Variants in NDRG4 observed in about 807,000 individuals in gnomAD.
The protein encoded by NDRG4 is NDRG family member 4.
In NDRG4, 38 loss-of-function variants were observed where a neutral mutation model predicts 55.8. That is an observed-to-expected ratio of 0.68 (90% CI 0.53 to 0.89). The LOEUF (loss-of-function observed/expected upper bound fraction) is 0.89, where lower values mean the gene tolerates loss of function less well. Ranked by LOEUF, NDRG4 falls within the 40% of genes least tolerant of loss-of-function variation. The probability of loss-of-function intolerance (pLI) is 0.00; values close to 1 mark genes in which losing one functional copy is unlikely to be tolerated. For missense variants in NDRG4, 455 were observed against 468.6 expected (o/e 0.97, Z 0.27); for synonymous variants, 190 against 182.7 (o/e 1.04, Z -0.32).
chr16:58,500,968 C>T lies in NDRG4; in HGVS notation c.21+699C>T, dbSNP rs1057457879. 7 of 1,237,200 alleles carry T rather than the reference C, an allele frequency of 5.7e-6. No homozygotes were observed. In the East Asian group the frequency reaches 1.3e-4, roughly 22 times the overall value. 76.6% of individuals were successfully genotyped at this position (1,237,200 alleles called of 1,614,324 possible). A position where few individuals can be genotyped will look rare whatever the true frequency, so the allele number is the denominator to read the frequency against. On this transcript the variant is annotated intron_variant, in intron 1 of 14. Transcript: ENST00000570248. ...CTGGGGAGGAACGAGGAGGGGTTGC[C>T]TGCCTGCCTTATTTTGTAGGTGGGG...
chr16:58,501,988 C>T (rs957210425), intron 1 of NDRG4: 17 of 455,856 alleles, frequency 3.7e-5, no homozygotes, highest in Non-Finnish European at 6.6e-5. Context: ...CCCTCCAGAG[C>T]TGAGAGAACT....
intron 2 of NDRG4, among the ~76,000 whole-genome samples, chr16:58,492,537 T>A (rs1357416290): frequency 1.2e-4 from 9 of 74,422 alleles, no homozygotes; most frequent in African/African-American, 3.2e-4. Flanking sequence ...TGTGTGTGTG[T>A]GTGTGTGTGT....
chr16:58,490,278 C>G (rs2035625841), intron 2 of NDRG4, among the ~76,000 whole-genome samples: 1 of 152,198 alleles, frequency 6.6e-6, no homozygotes, highest in Non-Finnish European at 1.5e-5. Flanking sequence ...CACGGAGGTG[C>G]TGCCTGCTGG....
intron 1 of NDRG4, among the ~76,000 whole-genome samples, chr16:58,470,087 A>G (rs2032483623): frequency 6.6e-6 from 1 of 152,256 alleles, no homozygotes; most frequent in Non-Finnish European, 1.5e-5. Flanking sequence ...TTCTTCTGTT[A>G]ACAGGATTGC....
intron 1 of NDRG4, among the ~76,000 whole-genome samples, chr16:58,502,774 C>T (rs2037328691): frequency 6.6e-6 from 1 of 152,204 alleles, no homozygotes; most frequent in Non-Finnish European, 1.5e-5. Flanking sequence ...CTCACTGGGC[C>T]ACTCACGTGG....
intron 2 of NDRG4, among the ~76,000 whole-genome samples, chr16:58,492,551 T>TGTGTGTGTGTGTGTGTGA (rs1342930103): frequency 2.3e-5 from 1 of 43,922 alleles, no homozygotes; most frequent in East Asian, 4.9e-4. Flanking sequence ...TGTGTGTGTG[T>TGTGTGTGTGTGTGTGTGA]GAGAGACAGA....
rs564148389 is a variant in NDRG4, at chr16:58,480,980, G to C, written c.-23-6776G>C. 8.6e-5 allele frequency among the ~76,000 whole-genome samples: 13 copies of C among 150,780 alleles called. No individual in the cohort carries two copies. In the East Asian group the frequency reaches 2.2e-3, roughly 25 times the overall value. ...GCTGAGATCGTGCCACTGCATTCCA[G>C]CCTGGGCGACAGAGTGAGACTCTGT... is the stretch of plus-strand genomic sequence containing the variant. On this transcript the variant is annotated intron_variant, in intron 1 of 15. Coordinates refer to the NDRG4 transcript ENST00000258187.
At chr16:58,491,521 C>T (rs1180816337) in intron 2 of NDRG4, among the ~76,000 whole-genome samples, 1 of 151,362 alleles carries the variant, frequency 6.6e-6, no homozygotes, top group East Asian at 2.0e-4. Context: ...AATGCAATGG[C>T]GCGATCTCAG....
intron 1 of NDRG4, among the ~76,000 whole-genome samples, chr16:58,484,367 C>T (rs904265848): frequency 2.6e-5 from 4 of 151,952 alleles, no homozygotes; most frequent in Non-Finnish European, 5.9e-5. Context: ...AGTAAGAATC[C>T]GTCTAAAAAA....
rs42945 is a variant in NDRG4 at position 58,511,522 on chromosome 16, A to G, written c.1005A>G (p.Ser335=). Residue 335 remains serine (S), a synonymous_variant, in exon 15 of 15, where the codon TCA becomes TCG. Coordinates refer to ENST00000570248, the MANE Select transcript of NDRG4 (RefSeq NM_001242835.2). ...GCCGCCCACAGGCCTGCACCCACTC[A>G]GAGAGCAGCGAGGGGCTGGGCCAGG... ...DGSRPQACTH[S]ESSEGLGQVN... The G allele has an allele frequency of 0.58, 938,137 of 1,612,740 alleles. 285,596 individuals are homozygous for G. The highest frequency in any genetic ancestry group is 0.97 in the East Asian group (43,632 of 44,846).
chr16:58,509,484 T>G, intron 13 of NDRG4, 132 bp downstream of exon 13: 1 of 926,944 alleles, frequency 1.1e-6, no homozygotes, highest in South Asian at 1.6e-5. Context: ...CATAGGAGTT[T>G]TGTGTGACCT....
Position 58,482,788 on chromosome 16 carries a change from CTCTCTCTTTCTT to C in NDRG4, c.-23-4952_-23-4941del, listed in dbSNP as rs1302253182. Among the ~76,000 whole-genome samples, 63 of 138,364 alleles carry C rather than the reference CTCTCTCTTTCTT, an allele frequency of 4.6e-4. No homozygotes were observed. The East Asian group carries it at 0.012, about 26-fold the overall frequency. 90.8% of individuals were successfully genotyped at this position (138,364 alleles called of 152,430 possible). A position where few individuals can be genotyped will look rare whatever the true frequency, so the allele number is the denominator to read the frequency against. On this transcript the variant is annotated intron_variant, in intron 1 of 15. Coordinates refer to the NDRG4 transcript ENST00000258187. Reference sequence around the variant, plus strand: ...TCCTTCCTTTTTTCCTTCCTTCTCTCTCTCTCTTTCTTTCTCTCTTTCTTTCTTTTGACAGAG... The same window carrying C: ...TCCTTCCTTTTTTCCTTCCTTCTCTCTCTCTCTTTCTTTCTTTTGACAGAG...
intron 1 of NDRG4, 32 bp downstream of exon 1, chr16:58,500,301 GC>G (rs1438107575): frequency 1.3e-6 from 2 of 1,534,748 alleles, no homozygotes; most frequent in Admixed American, 3.9e-5. Context: ...ATCAAGGTGG[GC>G]CGGGAGGATG....
At chr16:58,511,356 C>A in intron 14 of NDRG4, 66 bp from the exon 15 acceptor site, 1 of 1,509,394 alleles carries the variant, frequency 6.6e-7, no homozygotes, top group Non-Finnish European at 8.9e-7. Context: ...TTGCAGCCTA[C>A]TTTTCCCACC....
intron 8 of NDRG4, chr16:58,507,277 T>A: frequency 1.9e-6 from 1 of 521,590 alleles, no homozygotes; most frequent in Non-Finnish European, 3.5e-6. Flanking sequence ...GTTGGGGGTG[T>A]TAGTGACATC....
At chr16:58,505,713 C>CTTTTTTTTTTTTTTT (rs1028370131) in intron 5 of NDRG4, among the ~76,000 whole-genome samples, 7 of 58,634 alleles carry the variant, frequency 1.2e-4, no homozygotes, top group African/African-American at 5.4e-4. Context: ...GCTTCATTTT[C>CTTTTTTTTTTTTTTT]TTTTTTTTTT....
In NDRG4 at chr16:58,507,087, G is replaced by A. The variant is rs888322348; in HGVS notation, c.620+72G>A. On this transcript the variant is annotated intron_variant, in intron 8 of 14. Coordinates refer to ENST00000570248, the MANE Select transcript of NDRG4 (RefSeq NM_001242835.2). ...GGCCCTTGCACACTGCCCCCTGAGGGAGGCAGGCAGACAACACCCTTGCCC... is the reference window on the plus strand; with the variant it reads ...GGCCCTTGCACACTGCCCCCTGAGGAAGGCAGGCAGACAACACCCTTGCCC... 7.0e-5 allele frequency: 83 copies of A among 1,186,588 alleles called. 2 individuals are homozygous for A. Among genetic ancestry groups the A allele is most frequent in the South Asian group, 3.0e-4 (23 of 77,704 alleles). 73.5% of individuals were successfully genotyped at this position (1,186,588 alleles called of 1,614,324 possible).
intron 1 of NDRG4, among the ~76,000 whole-genome samples, chr16:58,482,354 C>G (rs899691723): frequency 3.3e-5 from 5 of 152,204 alleles, no homozygotes. Flanking sequence ...TTGGCCTCTT[C>G]CTGTCCCGCA....
chr16:58,483,602 T>C (rs1348269461), intron 1 of NDRG4, among the ~76,000 whole-genome samples: 1 of 152,100 alleles, frequency 6.6e-6, no homozygotes, highest in Non-Finnish European at 1.5e-5. Flanking sequence ...CCTATGTACA[T>C]CAGCTTAGCC....
Sources: gnomAD v4.1 joint callset for allele counts (sites outside exome capture counted in the v4.1 genomes callset) on GRCh38, gnomAD v4.1.1 for gene constraint, MANE v1.5 for transcripts, NCBI Gene and HGNC (gene_info 2026-07-23, HGNC 2026-07-21) for gene names.